TMEM231: variants seen among roughly 807,000 people sequenced by gnomAD.
The protein encoded by TMEM231 is transmembrane protein 231.
In TMEM231, 40 loss-of-function variants were observed where a neutral mutation model predicts 38.5. That is an observed-to-expected ratio of 1.04 (90% CI 0.81 to 1.35). The LOEUF (loss-of-function observed/expected upper bound fraction) is 1.35. TMEM231 is among the 40% of genes most tolerant of loss of function. TMEM231 has a pLI of 0.00. For synonymous variants in TMEM231, 199 were observed against 181.7 expected (o/e 1.10, Z -0.77); for missense variants, 420 against 416.9 (o/e 1.01, Z -0.07).
chr16:75,544,644 A>G (rs2080662181), intron 4 of TMEM231, among the ~76,000 whole-genome samples: 1 of 152,200 alleles, frequency 6.6e-6, no homozygotes, highest in South Asian at 2.1e-4. Flanking sequence ...ATGGCTAGTA[A>G]TATTTCTGAA....
At position 75,541,348 on chromosome 16, in the gene TMEM231, A is replaced by G. The variant is rs2080625901; in HGVS notation, c.770+2T>C. ...ACATGGACTCTTTAACAGAAAGGATATGAAATGACTTCCACAGGGTATCGG... is the reference window on the plus strand; with the variant it reads ...ACATGGACTCTTTAACAGAAAGGATGTGAAATGACTTCCACAGGGTATCGG... On this transcript the variant is annotated splice_donor_variant, in intron 6 of 6. Transcript: ENST00000258173. LOFTEE classifies it high-confidence loss of function. 1.2e-6 allele frequency: 2 copies of G among 1,604,506 alleles called. No individual in the cohort carries two copies. The highest frequency in any genetic ancestry group is 1.7e-6 in the Non-Finnish European group (2 of 1,173,608).
chr16:75,543,292 C>T (rs2151700528), intron 4 of TMEM231, among the ~76,000 whole-genome samples: 1 of 152,206 alleles, frequency 6.6e-6, no homozygotes, highest in South Asian at 2.1e-4. Flanking sequence ...AAAAGCCAGG[C>T]ATGGAAGCTC....
At position 75,556,202 on chromosome 16, in the gene TMEM231, A is replaced by G; in HGVS notation, c.8T>C (p.Leu3Pro). Residue 3 changes from leucine to proline, a missense_variant, in exon 1 of 7, where the codon CTC becomes CCC. Coordinates refer to ENST00000258173, the MANE Select transcript of TMEM231 (RefSeq NM_001077418.3). MA[L>P]YELFSHPVER... ...GACCGGGTGAGAGAAGAGCTCATAG[A>G]GCGCCATGAGCACCGCTCGCAGGCA... The G allele has an allele frequency of 6.9e-7, 1 of 1,458,842 alleles. No homozygotes were observed. The highest frequency in any genetic ancestry group is 9.0e-7 in the Non-Finnish European group (1 of 1,112,380). 90.4% of individuals were successfully genotyped at this position (1,458,842 alleles called of 1,614,324 possible). A position where few individuals can be genotyped will look rare whatever the true frequency, so the allele number is the denominator to read the frequency against.
chr16:75,544,485 G>A (rs1474789353), intron 4 of TMEM231, among the ~76,000 whole-genome samples: 1 of 152,136 alleles, frequency 6.6e-6, no homozygotes, highest in Non-Finnish European at 1.5e-5. Flanking sequence ...GGGCTGGAAG[G>A]GAGCAAGCGG....
intron 4 of TMEM231, 129 bp downstream of exon 4, chr16:75,545,223 G>T: frequency 7.5e-7 from 1 of 1,329,134 alleles, no homozygotes; most frequent in Non-Finnish European, 1.0e-6. Context: ...GCCTCCCAAA[G>T]TGCTGGGATT....
intron 3 of TMEM231, 57 bp from the exon 4 acceptor site, chr16:75,545,552 G>A: frequency 1.6e-6 from 2 of 1,289,474 alleles, no homozygotes; most frequent in Non-Finnish European, 2.1e-6. Flanking sequence ...AAGGGCTCTG[G>A]GTGCTAAGAG....
At chr16:75,547,869 T>A (rs1209217421) in intron 2 of TMEM231, among the ~76,000 whole-genome samples, 1 of 152,054 alleles carries the variant, frequency 6.6e-6, no homozygotes, top group Admixed American at 6.6e-5. Context: ...CTTATGTAAC[T>A]CTCTGTGATG....
rs776761536 is a variant in TMEM231, at chr16:75,556,245, C to T, written c.-36G>A. On this transcript the variant is annotated 5_prime_UTR_variant, in exon 1 of 7. Transcript: ENST00000258173. ...CGCAGGCACTCCGCGAGCCGGGGGA[C>T]CAAGTTTGGCTTCTCCTGGTTGCCA... 1.4e-6 allele frequency: 2 copies of T among 1,391,308 alleles called. No homozygotes were observed. Among genetic ancestry groups the T allele is most frequent in the Admixed American group, 3.3e-5 (1 of 30,234 alleles). 86.2% of individuals were successfully genotyped at this position (1,391,308 alleles called of 1,614,324 possible). A position where few individuals can be genotyped will look rare whatever the true frequency, so the allele number is the denominator to read the frequency against.
chr16:75,548,472 T>C (rs532185901), intron 2 of TMEM231, among the ~76,000 whole-genome samples: 2 of 152,246 alleles, frequency 1.3e-5, no homozygotes, highest in African/African-American at 2.4e-5. Flanking sequence ...AAAGTCCCCA[T>C]CCTAATGGGG....
At chr16:75,555,321 C>A (rs989061536) in intron 2 of TMEM231, 3 of 155,970 alleles carry the variant, frequency 1.9e-5, no homozygotes, top group African/African-American at 7.2e-5. Flanking sequence ...TCTGGGAAGG[C>A]CGCTTAACCA....
chr16:75,554,644 A>G (rs926900594), intron 2 of TMEM231, among the ~76,000 whole-genome samples: 2 of 152,176 alleles, frequency 1.3e-5, no homozygotes, highest in African/African-American at 4.8e-5. Flanking sequence ...CAAAAAGAAT[A>G]CAGCTGATTA....
Position 75,546,589 on chromosome 16 carries a change from C to T in TMEM231, c.310-635G>A, listed in dbSNP as rs372447452. Among the ~76,000 whole-genome samples the T allele has an allele frequency of 9.8e-4, 149 of 152,230 alleles. 1 individual carries two copies. The highest frequency in any genetic ancestry group is 3.3e-3 in the African/African-American group (139 of 41,550). The stretch of plus-strand genomic sequence containing the variant: ...TCCTGAGGAGCTGGGATTACAAGTG[C>T]CCACCACCATGCCCAGCTAATTTTT... On this transcript the variant is annotated intron_variant, in intron 2 of 6. Transcript: ENST00000258173.
rs749624162 is a variant in TMEM231, at chr16:75,539,857, G to C, written c.*137C>G. 1 of 696,820 alleles carries C rather than the reference G, an allele frequency of 1.4e-6. No homozygotes were observed. Among genetic ancestry groups the C allele is most frequent in the Admixed American group, 3.2e-5 (1 of 31,290 alleles). 43.2% of individuals were successfully genotyped at this position (696,820 alleles called of 1,614,324 possible). A position where few individuals can be genotyped will look rare whatever the true frequency, so the allele number is the denominator to read the frequency against. On this transcript the variant is annotated 3_prime_UTR_variant, in exon 7 of 7. Coordinates refer to ENST00000258173, the MANE Select transcript of TMEM231 (RefSeq NM_001077418.3). ...TACGGAACTGTGTAGAGCAAAACCG[G>C]AAAGAACCGTTGTCTCTGAGGGAAA...
intron 2 of TMEM231, among the ~76,000 whole-genome samples, chr16:75,550,950 C>T (rs557352601): frequency 1.2e-4 from 18 of 152,290 alleles, no homozygotes; most frequent in African/African-American, 4.1e-4. Context: ...CTCCCTACCT[C>T]AGGTGATCCA....
At chr16:75,540,596 G>A (rs1264166904) in intron 6 of TMEM231, among the ~76,000 whole-genome samples, 1 of 152,156 alleles carries the variant, frequency 6.6e-6, no homozygotes, top group East Asian at 1.9e-4. Context: ...CAGTTAAAAT[G>A]CCTTCTCTTT....
Position 75,555,881 on chromosome 16 carries a change from C to A in TMEM231, c.232G>T (p.Asp78Tyr), listed in dbSNP as rs753709447. ...LLVALLGPES[D>Y]GFLAWSTFPA... ...AACGTGCTCCAGGCGAGGAACCCGT[C>A]GCTTTCGGGTCCGAGCAGGGCCACG... Residue 78 changes from aspartate to tyrosine, a missense_variant, in exon 2 of 7, where the codon GAC (aspartate) becomes TAC (tyrosine). Coordinates refer to ENST00000258173, the MANE Select transcript of TMEM231 (RefSeq NM_001077418.3). 1.8e-5 allele frequency: 29 copies of A among 1,593,498 alleles called. No homozygotes were observed. The highest frequency in any genetic ancestry group is 3.3e-4 in the Middle Eastern group (2 of 6,032).
intron 2 of TMEM231, among the ~76,000 whole-genome samples, chr16:75,553,361 G>A (rs962485994): frequency 1.3e-5 from 2 of 152,140 alleles, no homozygotes; most frequent in African/African-American, 2.4e-5. Flanking sequence ...AATCACACCT[G>A]TAATCCCAGC....
Position 75,542,623 on chromosome 16 carries a change from C to A in TMEM231, c.643G>T (p.Ala215Ser). The A allele has an allele frequency of 6.2e-7, 1 of 1,613,856 alleles. No homozygotes were observed. Among genetic ancestry groups the A allele is most frequent in the African/African-American group, 1.3e-5 (1 of 75,010 alleles). Residue 215 changes from alanine to serine, a missense_variant, in exon 5 of 7, where the codon GCT becomes TCT. Coordinates refer to ENST00000258173, the MANE Select transcript of TMEM231 (RefSeq NM_001077418.3). ...AYDYDLTHIV[A>S]AYQERNVTTV... ...TCACCGTTCCTCTCCTGGTAGGCAG[C>A]AACAATATGGGTGAGGTCGTAGTCA... is the stretch of plus-strand genomic sequence containing the variant.
rs146131551 is a variant in TMEM231 at position 75,544,213 on chromosome 16, G to C, written c.582+1139C>G. ...GAGATGCCACTGCTGTCAAGGCTGA[G>C]GGAGACAGCAAATAAACACACAAAC... On this transcript the variant is annotated intron_variant, in intron 4 of 6. Coordinates refer to ENST00000258173, the MANE Select transcript of TMEM231 (RefSeq NM_001077418.3). Among the ~76,000 whole-genome samples the C allele has an allele frequency of 5.4e-3, 827 of 152,326 alleles. 8 individuals are homozygous for C. Among genetic ancestry groups the C allele is most frequent in the African/African-American group, 0.019 (793 of 41,570 alleles).
Sources: allele counts gnomAD v4.1 joint callset (sites outside exome capture counted in the v4.1 genomes callset), GRCh38; gene constraint gnomAD v4.1.1; transcripts MANE v1.5; gene names NCBI Gene and HGNC (gene_info 2026-07-23, HGNC 2026-07-21).